Variants in CTNNA3 observed in about 807,000 individuals in gnomAD.
CTNNA3 encodes catenin alpha 3.
In CTNNA3, 76 loss-of-function variants were observed where a neutral mutation model predicts 95.7. The observed-to-expected ratio is 0.79, with a 90% CI of 0.66 to 0.96. The LOEUF (loss-of-function observed/expected upper bound fraction) is 0.96. Among genes scored for constraint, CTNNA3 ranks in the 40% least tolerant of loss-of-function variants. The pLI, the probability that CTNNA3 is intolerant of heterozygous loss-of-function variation, is 0.00. For synonymous variants in CTNNA3, 431 were observed against 374.4 expected, an observed-to-expected ratio of 1.15 and a Z score of -1.74; for missense variants, 1,191 against 1,089.8, an observed-to-expected ratio of 1.09 and a Z score of -1.31.
At chr10:66,388,516 G>A (rs528142669) in intron 11 of CTNNA3, among the ~76,000 whole-genome samples, 14 of 152,126 alleles carry the variant, frequency 9.2e-5, no homozygotes, top group African/African-American at 3.4e-4. Flanking sequence ...AATTTTTCTG[G>A]TTCTTTTTTT....
intron 15 of CTNNA3, among the ~76,000 whole-genome samples, chr10:66,056,053 T>C (rs543454060): frequency 6.6e-6 from 1 of 152,234 alleles, no homozygotes; most frequent in South Asian, 2.1e-4. Context: ...GGACTTCTAG[T>C]ATTATGTTCA....
chr10:66,324,306 C>A (rs532194571), intron 12 of CTNNA3, among the ~76,000 whole-genome samples: 1 of 151,998 alleles, frequency 6.6e-6, no homozygotes. Flanking sequence ...AGCAACAGAG[C>A]GAGACTGCAT....
chr10:66,414,852 A>T (rs1405580770), intron 11 of CTNNA3, among the ~76,000 whole-genome samples: 1 of 152,126 alleles, frequency 6.6e-6, no homozygotes. Flanking sequence ...CACCATCCCC[A>T]GCAAACTGCA....
intron 14 of CTNNA3, among the ~76,000 whole-genome samples, chr10:66,084,486 T>G (rs921385087): frequency 2.0e-5 from 3 of 152,304 alleles, no homozygotes; most frequent in African/African-American, 7.2e-5. Context: ...AAATTGAAGA[T>G]GATTTCTAAA....
At chr10:67,255,161 G>A (rs899330459) in intron 5 of CTNNA3, among the ~76,000 whole-genome samples, 1 of 152,080 alleles carries the variant, frequency 6.6e-6, no homozygotes, top group African/African-American at 2.4e-5. Context: ...CAGGCATGGC[G>A]GTGTGCACCT....
intron 7 of CTNNA3, among the ~76,000 whole-genome samples, chr10:66,917,820 T>A (rs1239594569): frequency 6.6e-6 from 1 of 152,194 alleles, no homozygotes; most frequent in African/African-American, 2.4e-5. Flanking sequence ...GAAGTGGATA[T>A]AGCAAAATGT....
chr10:67,283,224 G>A (rs2132447697), intron 5 of CTNNA3, among the ~76,000 whole-genome samples: 1 of 152,270 alleles, frequency 6.6e-6, no homozygotes, highest in African/African-American at 2.4e-5. Flanking sequence ...GCAACCATCA[G>A]GTGATGGTAA....
chr10:66,329,483 T>C (rs10762060), intron 12 of CTNNA3, among the ~76,000 whole-genome samples: 63,019 of 151,550 alleles, frequency 0.42, 14,332 homozygotes, highest in Non-Finnish European at 0.51. Flanking sequence ...AAATTAACTG[T>C]CACAGTCTAT....
rs187095197 is a variant in CTNNA3 at position 67,294,927 on chromosome 10, C to T, written c.580-75057G>A. ...TAATGACTACGATATATTGCTCAGG[C>T]AAATTAGAGGAATAGAATGTTCTGT... On this transcript the variant is annotated intron_variant, in intron 5 of 17. Coordinates refer to ENST00000433211, the MANE Select transcript of CTNNA3 (RefSeq NM_013266.4). 3.3e-5 allele frequency among the ~76,000 whole-genome samples: 5 copies of T among 152,192 alleles called. No homozygotes were observed. In the East Asian group the frequency reaches 9.6e-4, roughly 29 times the overall value.
chr10:66,418,023 C>A (rs111354185), intron 11 of CTNNA3, among the ~76,000 whole-genome samples: 1 of 149,152 alleles, frequency 6.7e-6, no homozygotes, highest in African/African-American at 2.5e-5. Context: ...CAGAGCAGAA[C>A]TAAATGAATC....
intron 7 of CTNNA3, chr10:66,926,158 G>C (rs1175869899): frequency 4.3e-6 from 2 of 461,914 alleles, no homozygotes; most frequent in African/African-American, 2.0e-5. Flanking sequence ...TGCTCATCAC[G>C]GGAACTGCTG....
In CTNNA3 at chr10:66,276,974, CTT is replaced by C. The variant is rs1028056486; in HGVS notation, c.1884+3494_1884+3495del. On this transcript the variant is annotated intron_variant, in intron 13 of 17. Transcript: ENST00000433211. ...AGTTTTAACCATTATATTATGCACT[CTT>C]AATAGTTGTATAATTTACACATGTA... Among the ~76,000 whole-genome samples, 4 of 152,128 alleles carry C rather than the reference CTT, an allele frequency of 2.6e-5. No individual in the cohort carries two copies. In the East Asian group the frequency reaches 7.7e-4, roughly 29 times the overall value.
At chr10:66,618,006 G>A (rs1844588483) in intron 10 of CTNNA3, among the ~76,000 whole-genome samples, 1 of 151,576 alleles carries the variant, frequency 6.6e-6, no homozygotes, top group African/African-American at 2.4e-5. Context: ...ACTTACAAGG[G>A]ACGTGAAGGA....
intron 9 of CTNNA3, among the ~76,000 whole-genome samples, chr10:66,710,682 T>A (rs1353655831): frequency 6.6e-6 from 1 of 151,834 alleles, no homozygotes; most frequent in Admixed American, 6.6e-5. Context: ...TCTTTAATAA[T>A]TTTTTTCCTA....
At chr10:66,699,887 C>T (rs1239810878) in intron 9 of CTNNA3, among the ~76,000 whole-genome samples, 1 of 152,002 alleles carries the variant, frequency 6.6e-6, no homozygotes, top group Non-Finnish European at 1.5e-5. Context: ...GAACTCCCGA[C>T]CTCAGGTGAT....
At chr10:66,025,022 C>A in intron 15 of CTNNA3, among the ~76,000 whole-genome samples, 1 of 152,298 alleles carries the variant, frequency 6.6e-6, no homozygotes, top group Middle Eastern at 3.4e-3. Flanking sequence ...GCAGTGACAG[C>A]TTTGCATCTA....
At chr10:66,971,877 T>C (rs1039169553) in intron 7 of CTNNA3, among the ~76,000 whole-genome samples, 1 of 152,158 alleles carries the variant, frequency 6.6e-6, no homozygotes, top group Non-Finnish European at 1.5e-5. Flanking sequence ...AATCATTTTT[T>C]TTCAACAAGG....
chr10:67,685,867 C>CCT (rs1184065045), intron 1 of CTNNA3, among the ~76,000 whole-genome samples: 32 of 152,002 alleles, frequency 2.1e-4, no homozygotes, highest in African/African-American at 6.3e-4. Context: ...TCTGTATCTT[C>CCT]CTCTCTCTGT....
chr10:66,783,573 G>A (rs150831183), intron 7 of CTNNA3, among the ~76,000 whole-genome samples: 131 of 152,176 alleles, frequency 8.6e-4, no homozygotes, highest in African/African-American at 2.9e-3. Flanking sequence ...TAATATAAAA[G>A]CGTCTGTACG....
Sources: allele counts gnomAD v4.1 joint callset (sites outside exome capture counted in the v4.1 genomes callset), GRCh38; gene constraint gnomAD v4.1.1; transcripts MANE v1.5; gene names NCBI Gene and HGNC (gene_info 2026-07-23, HGNC 2026-07-21).